Variants in MACROD2 observed in about 807,000 individuals in gnomAD.
The protein encoded by MACROD2 is ADP-ribose glycohydrolase MACROD2.
MACROD2 carries 36 observed loss-of-function variants against 70.4 expected under a neutral mutation model. The observed-to-expected ratio is 0.51, with a 90% CI of 0.39 to 0.68. The LOEUF is 0.68. Ranked by LOEUF, MACROD2 falls within the 30% of genes least tolerant of loss-of-function variation. The probability of loss-of-function intolerance (pLI) is 0.00; values close to 1 mark genes in which losing one functional copy is unlikely to be tolerated. For synonymous variants in MACROD2, 172 were observed against 178.8 expected (o/e 0.96, Z 0.30); for missense variants, 496 against 538.4 (o/e 0.92, Z 0.78).
intron 5 of MACROD2, among the ~76,000 whole-genome samples, chr20:14,829,225 G>A (rs889420693): frequency 1.1e-4 from 16 of 150,780 alleles, no homozygotes; most frequent in Admixed American, 5.9e-4. Context: ...CGCCTCCCGG[G>A]TTCATGCCAT....
chr20:15,080,063 A>ATT (rs5840648), intron 5 of MACROD2, among the ~76,000 whole-genome samples: 1 of 151,404 alleles, frequency 6.6e-6, no homozygotes, highest in Non-Finnish European at 1.5e-5. Flanking sequence ...CCTTAGCCAT[A>ATT]TTTTTTCTTT....
chr20:15,066,883 A>T (rs1339205731), intron 5 of MACROD2, among the ~76,000 whole-genome samples: 1 of 143,168 alleles, frequency 7.0e-6, no homozygotes, highest in African/African-American at 2.5e-5. Flanking sequence ...CTCTGTCTCG[A>T]AAAAAAAAAA....
intron 8 of MACROD2, among the ~76,000 whole-genome samples, chr20:15,655,792 A>T (rs990531234): frequency 1.3e-5 from 2 of 152,148 alleles, no homozygotes; most frequent in Non-Finnish European, 2.9e-5. Context: ...TCTTTGCCAA[A>T]AGTAAGAAGC....
chr20:15,723,495 T>C (rs2050224), intron 8 of MACROD2, among the ~76,000 whole-genome samples: 105,500 of 152,046 alleles, frequency 0.69, 39,174 homozygotes, highest in Non-Finnish European at 0.83. Context: ...ACTGTCCCCA[T>C]AGTTTTGCCT....
At chr20:15,449,162 C>A (rs2046607439) in intron 7 of MACROD2, among the ~76,000 whole-genome samples, 1 of 152,110 alleles carries the variant, frequency 6.6e-6, no homozygotes, top group Admixed American at 6.6e-5. Context: ...AATATGGCAC[C>A]TGTTCCATGG....
chr20:16,025,729 T>A (rs573663543), intron 15 of MACROD2, among the ~76,000 whole-genome samples: 2 of 152,314 alleles, frequency 1.3e-5, no homozygotes, highest in Non-Finnish European at 2.9e-5. Flanking sequence ...TTGTGCTGCC[T>A]CATTTTTAGA....
chr20:15,664,650 C>T (rs2049872479), intron 8 of MACROD2, among the ~76,000 whole-genome samples: 1 of 152,178 alleles, frequency 6.6e-6, no homozygotes, highest in Non-Finnish European at 1.5e-5. Context: ...AGGTCTGATC[C>T]TCATATGCTT....
At chr20:15,181,188 C>G (rs905744725) in intron 5 of MACROD2, among the ~76,000 whole-genome samples, 1 of 152,098 alleles carries the variant, frequency 6.6e-6, no homozygotes, top group South Asian at 2.1e-4. Context: ...ACTGTATTTT[C>G]GATTCACGTT....
At chr20:14,663,519 T>TAC (rs10606501) in intron 4 of MACROD2, among the ~76,000 whole-genome samples, 16,066 of 141,396 alleles carry the variant, frequency 0.11, 884 homozygotes, top group African/African-American at 0.13. Flanking sequence ...CAGGGATGTA[T>TAC]ACACACACAC....
chr20:14,465,400 C>G (rs1190683775), intron 3 of MACROD2, among the ~76,000 whole-genome samples: 1 of 152,056 alleles, frequency 6.6e-6, no homozygotes, highest in Non-Finnish European at 1.5e-5. Flanking sequence ...AGATCTTCCT[C>G]CATCCCTTTA....
chr20:14,154,495 C>T (rs1264404707), intron 3 of MACROD2, among the ~76,000 whole-genome samples: 1 of 150,622 alleles, frequency 6.6e-6, no homozygotes, highest in Non-Finnish European at 1.5e-5. Context: ...ATGCCATTCT[C>T]CTGCCTCAGC....
At chr20:14,544,754 G>A (rs1600367382) in intron 4 of MACROD2, among the ~76,000 whole-genome samples, 1 of 152,168 alleles carries the variant, frequency 6.6e-6, no homozygotes. Flanking sequence ...TAATGATGCT[G>A]TGGCATTCTG....
chr20:15,096,971 C>T (rs1361345000), intron 5 of MACROD2, among the ~76,000 whole-genome samples: 1 of 151,774 alleles, frequency 6.6e-6, no homozygotes, highest in African/African-American at 2.4e-5. Context: ...GCCACCACGC[C>T]CAGTTAATTT....
At chr20:15,921,939 C>A (rs1420676606) in intron 10 of MACROD2, among the ~76,000 whole-genome samples, 3 of 152,212 alleles carry the variant, frequency 2.0e-5, no homozygotes, top group Non-Finnish European at 4.4e-5. Context: ...CTGAGGAGTC[C>A]CACTCCAGGG....
intron 8 of MACROD2, among the ~76,000 whole-genome samples, chr20:15,758,237 C>CTTT (rs397793806): frequency 4.1e-5 from 5 of 122,124 alleles, no homozygotes; most frequent in African/African-American, 9.2e-5. Context: ...TCCTGTAATT[C>CTTT]TTTTTTTTTT....
At chr20:14,906,418 C>T (rs1483809509) in intron 5 of MACROD2, among the ~76,000 whole-genome samples, 3 of 152,052 alleles carry the variant, frequency 2.0e-5, no homozygotes, top group Admixed American at 6.5e-5. Context: ...CGCTTGAACC[C>T]GGGAGGCAGA....
chr20:15,313,223 G>GCGGC (rs1444639670), intron 6 of MACROD2, among the ~76,000 whole-genome samples: 2 of 151,978 alleles, frequency 1.3e-5, no homozygotes, highest in Non-Finnish European at 2.9e-5. Flanking sequence ...AAAATGATAT[G>GCGGC]CGGCCGTGTG....
intron 2 of MACROD2, among the ~76,000 whole-genome samples, chr20:14,051,436 C>T (rs1601161809): frequency 6.6e-6 from 1 of 152,074 alleles, no homozygotes; most frequent in South Asian, 2.1e-4. Context: ...CCTATTATTC[C>T]TGGACGTTTA....
intron 4 of MACROD2, among the ~76,000 whole-genome samples, chr20:14,540,540 G>A (rs2085419698): frequency 6.6e-6 from 1 of 152,142 alleles, no homozygotes; most frequent in Non-Finnish European, 1.5e-5. Context: ...CAAGTGGAAT[G>A]GCCCTGGGAG....
Sources: allele counts gnomAD v4.1 joint callset (sites outside exome capture counted in the v4.1 genomes callset), GRCh38; gene constraint gnomAD v4.1.1; transcripts MANE v1.5; gene names NCBI Gene and HGNC (gene_info 2026-07-23, HGNC 2026-07-21).